TENM2: variants seen among roughly 807,000 people sequenced by gnomAD.
TENM2 encodes teneurin-2.
In TENM2, 52 loss-of-function variants were observed where a neutral mutation model predicts 245.2. The ratio of observed to expected loss-of-function variants is 0.21; its 90% CI spans 0.17 to 0.27. The LOEUF (loss-of-function observed/expected upper bound fraction) is 0.27. TENM2 is among the 10% of genes least tolerant of loss of function. The pLI is 1.00. For missense variants in TENM2, 3,046 were observed against 3,666.8 expected, an observed-to-expected ratio of 0.83 and a Z score of 4.37; for synonymous variants, 1,363 against 1,438.9, an observed-to-expected ratio of 0.95 and a Z score of 1.19.
chr5:167,474,647 T>A (rs1185782829), intron 2 of TENM2, among the ~76,000 whole-genome samples: 3 of 152,052 alleles, frequency 2.0e-5, no homozygotes, highest in African/African-American at 7.2e-5. Context: ...CCCGAGTAGC[T>A]GGGATTACAG....
chr5:167,060,370 AGG>A, the TENM2 span, among the ~76,000 whole-genome samples: 4,538 of 152,146 alleles, frequency 0.03, 233 homozygotes, highest in African/African-American at 0.1. Context: ...AGCAAAAAGA[AGG>A]CCAGGCGCTG....
chr5:167,155,365 A>C, the TENM2 span, among the ~76,000 whole-genome samples: 32 of 152,266 alleles, frequency 2.1e-4, no homozygotes, highest in South Asian at 5.6e-3. Context: ...ATATTGAGAA[A>C]CCTATATTAA....
At chr5:167,142,258 T>A in the TENM2 span, among the ~76,000 whole-genome samples, 2 of 152,160 alleles carry the variant, frequency 1.3e-5, no homozygotes, top group Non-Finnish European at 1.5e-5. Flanking sequence ...CTCTGCCAAC[T>A]TGCTCACTAA....
the TENM2 span, among the ~76,000 whole-genome samples, chr5:167,034,368 C>T: frequency 6.6e-6 from 1 of 152,034 alleles, no homozygotes; most frequent in East Asian, 1.9e-4. Flanking sequence ...CGGTGGCTCA[C>T]GCCTGTAATC....
chr5:167,973,297 A>G (rs1028910068), intron 4 of TENM2, among the ~76,000 whole-genome samples: 1 of 152,162 alleles, frequency 6.6e-6, no homozygotes, highest in Non-Finnish European at 1.5e-5. Flanking sequence ...ACTTTATCTG[A>G]AACTCTGATT....
the TENM2 span, among the ~76,000 whole-genome samples, chr5:167,051,045 A>G: frequency 6.6e-6 from 1 of 152,006 alleles, no homozygotes; most frequent in Non-Finnish European, 1.5e-5. Flanking sequence ...CTGTTGATCC[A>G]TTTCCGCTAA....
At chr5:167,320,817 G>A in intron 1 of TENM2, among the ~76,000 whole-genome samples, 1 of 152,090 alleles carries the variant, frequency 6.6e-6, no homozygotes. Flanking sequence ...CCCAGTCTCA[G>A]CTATTCTGTT....
chr5:167,497,436 C>G (rs1028558476), intron 2 of TENM2, among the ~76,000 whole-genome samples: 3 of 152,010 alleles, frequency 2.0e-5, no homozygotes, highest in African/African-American at 7.2e-5. Context: ...GCCGTGGCAG[C>G]GCAATCATTT....
At chr5:168,107,243 A>G (rs1278155416) in intron 9 of TENM2, among the ~76,000 whole-genome samples, 5 of 151,948 alleles carry the variant, frequency 3.3e-5, no homozygotes, top group Admixed American at 1.3e-4. Flanking sequence ...ATTTTTCTAT[A>G]TAAATATTAA....
At chr5:167,868,556 G>A (rs892963210) in intron 2 of TENM2, among the ~76,000 whole-genome samples, 1 of 151,774 alleles carries the variant, frequency 6.6e-6, no homozygotes. Context: ...CTGCAACATG[G>A]TGAAACCCCG....
the TENM2 span, among the ~76,000 whole-genome samples, chr5:167,056,340 A>T: frequency 6.6e-6 from 1 of 151,354 alleles, no homozygotes; most frequent in African/African-American, 2.4e-5. Context: ...CCAAATTCTC[A>T]GGTGGCAGGT....
chr5:167,440,499 G>A (rs973425159), intron 2 of TENM2, among the ~76,000 whole-genome samples: 1 of 152,006 alleles, frequency 6.6e-6, no homozygotes, highest in Non-Finnish European at 1.5e-5. Flanking sequence ...AGGGTCTTCT[G>A]TACATATCAT....
intron 2 of TENM2, among the ~76,000 whole-genome samples, chr5:167,510,508 T>G (rs1769868986): frequency 6.6e-6 from 1 of 152,170 alleles, no homozygotes. Flanking sequence ...ATCAGCAGTT[T>G]GTTTTATACC....
rs567828843 is a variant in TENM2 at position 168,262,733 on chromosome 5, G to A, written c.8248G>A (p.Val2750Met). ...GTACGAGGGATATTACGTGCTTCCCGTGGAGCAATACCCAGAGCTTGCAGA... is the reference window on the plus strand; with the variant it reads ...GTACGAGGGATATTACGTGCTTCCCATGGAGCAATACCCAGAGCTTGCAGA... Residue 2750 changes from valine to methionine, a missense_variant, in exon 29 of 29, where the codon GTG becomes ATG. Physicochemically the swap from Val to Met is conservative, Grantham distance 21. Transcript: ENST00000518659. The A allele has an allele frequency of 3.2e-5, 51 of 1,611,000 alleles. No individual in the cohort carries two copies. The highest frequency in any genetic ancestry group is 2.0e-4 in the South Asian group (18 of 90,006).
In TENM2 at chr5:167,689,058, CGTT is replaced by C. The variant is rs1369836724; in HGVS notation, c.503-186924_503-186922del. Among the ~76,000 whole-genome samples the C allele has an allele frequency of 1.3e-4, 20 of 152,148 alleles. No individual in the cohort carries two copies. In the East Asian group the frequency reaches 3.9e-3, roughly 29 times the overall value. ...GGCGGTCGTTGAACTTCCGGAAAAA[CGTT>C]GTTATTTTGAGTCTTCTGAGAAGCA... On this transcript the variant is annotated intron_variant, in intron 2 of 28. Coordinates refer to ENST00000518659, the Ensembl canonical transcript of TENM2.
At chr5:167,114,223 A>G in the TENM2 span, among the ~76,000 whole-genome samples, 1 of 152,298 alleles carries the variant, frequency 6.6e-6, no homozygotes, top group Non-Finnish European at 1.5e-5. Context: ...TATAGTATAT[A>G]TATAGTATTG....
chr5:167,938,669 T>C (rs1778924081), intron 3 of TENM2: 1 of 152,086 alleles, frequency 6.6e-6, no homozygotes, highest in Admixed American at 6.5e-5. Context: ...AAGACGTGAA[T>C]AAAGGAACAA....
intron 2 of TENM2, among the ~76,000 whole-genome samples, chr5:167,394,395 A>G (rs1761934775): frequency 6.6e-6 from 1 of 151,906 alleles, no homozygotes; most frequent in East Asian, 1.9e-4. Context: ...TTCTTTTTGT[A>G]TTCTTGGATC....
At chr5:168,257,633 T>G (rs1213358143) in intron 27 of TENM2, among the ~76,000 whole-genome samples, 2 of 125,520 alleles carry the variant, frequency 1.6e-5, no homozygotes, top group Non-Finnish European at 3.6e-5. Flanking sequence ...TTTTTTTTTT[T>G]TGTGACGGAG....
Sources: allele counts gnomAD v4.1 joint callset (sites outside exome capture counted in the v4.1 genomes callset), GRCh38; gene constraint gnomAD v4.1.1; transcripts MANE v1.5; gene names NCBI Gene and HGNC (gene_info 2026-07-23, HGNC 2026-07-21).